Variants in PIK3C2G observed in about 807,000 individuals in gnomAD.
The protein encoded by PIK3C2G is phosphatidylinositol 3-kinase C2 domain-containing subunit gamma.
A neutral mutation model predicts 181.1 loss-of-function variants in PIK3C2G; 168 were observed. That is an observed-to-expected ratio of 0.93 (90% CI 0.82 to 1.05). The LOEUF (loss-of-function observed/expected upper bound fraction) is 1.05, where lower values mean the gene tolerates loss of function less well. Ranked by LOEUF, PIK3C2G falls within the 50% of genes least tolerant of loss-of-function variation. PIK3C2G has a pLI of 0.00. For missense variants in PIK3C2G, 1,869 were observed against 1,732.8 expected (o/e 1.08, Z -1.40); for synonymous variants, 573 against 592.2 (o/e 0.97, Z 0.47).
At chr12:18,253,393 CTTA>C (rs1175973753) in intron 1 of PIK3C2G, among the ~76,000 whole-genome samples, 1 of 151,976 alleles carries the variant, frequency 6.6e-6, no homozygotes, top group African/African-American at 2.4e-5. Context: ...AAAATTGGTG[CTTA>C]TTATAATCAA....
chr12:18,543,278 C>T (rs535403165), intron 25 of PIK3C2G, among the ~76,000 whole-genome samples: 68 of 151,694 alleles, frequency 4.5e-4, no homozygotes, highest in Non-Finnish European at 8.1e-4. Flanking sequence ...TTCTTATAGA[C>T]GCTGGGTATT....
At chr12:18,560,456 G>A (rs1945289133) in intron 26 of PIK3C2G, among the ~76,000 whole-genome samples, 1 of 151,876 alleles carries the variant, frequency 6.6e-6, no homozygotes, top group African/African-American at 2.4e-5. Context: ...GGAAACCTCA[G>A]AAAGGAAGTG....
intron 31 of PIK3C2G, among the ~76,000 whole-genome samples, chr12:18,610,206 A>G (rs1013641812): frequency 4.6e-5 from 7 of 152,090 alleles, no homozygotes; most frequent in Admixed American, 2.6e-4. Flanking sequence ...GTTGGGGTGC[A>G]GCAAACATAG....
At chr12:18,706,249 A>T in the PIK3C2G span, among the ~76,000 whole-genome samples, 38 of 152,160 alleles carry the variant, frequency 2.5e-4, no homozygotes, top group East Asian at 1.5e-3. Context: ...AAAATAAAAA[A>T]AAAAAAAGAA....
chr12:18,634,721 T>C (rs1184744731), intron 31 of PIK3C2G, among the ~76,000 whole-genome samples: 1 of 152,130 alleles, frequency 6.6e-6, no homozygotes, highest in Non-Finnish European at 1.5e-5. Flanking sequence ...ACCACTTTGT[T>C]CATGAACCCA....
intron 7 of PIK3C2G, among the ~76,000 whole-genome samples, 190 bp from the exon 8 acceptor site, chr12:18,324,845 C>T (rs1290229011): frequency 6.6e-6 from 1 of 152,118 alleles, no homozygotes; most frequent in Admixed American, 6.5e-5. Context: ...TGTTTGTAGT[C>T]TATCAAGTTA....
At chr12:18,430,600 C>T (rs569348457) in intron 18 of PIK3C2G, among the ~76,000 whole-genome samples, 45 of 152,176 alleles carry the variant, frequency 3.0e-4, no homozygotes, top group Non-Finnish European at 6.2e-4. Context: ...TGTGCACATG[C>T]AGACTTATGT....
At chr12:18,436,712 T>C (rs936040263) in intron 18 of PIK3C2G, among the ~76,000 whole-genome samples, 1 of 152,000 alleles carries the variant, frequency 6.6e-6, no homozygotes. Context: ...TTACAAAAGA[T>C]GTATTTTTCT....
At chr12:18,709,190 GT>G in the PIK3C2G span, among the ~76,000 whole-genome samples, 1 of 152,084 alleles carries the variant, frequency 6.6e-6, no homozygotes, top group African/African-American at 2.4e-5. Context: ...ATGATTTGTT[GT>G]GTATGGTATA....
chr12:18,609,599 G>T lies in PIK3C2G; in HGVS notation c.4152G>T (p.Leu1384=). 6.3e-7 allele frequency: 1 copy of T among 1,582,092 alleles called. No homozygotes were observed. The highest frequency in any genetic ancestry group is 1.2e-5 in the South Asian group (1 of 86,554). ...QLVISYEDVK[L]TILVKHMKNI... is the part of the protein sequence containing the mutation. Reference sequence around the variant, plus strand: ...TCATATCCTACGAGGATGTGAAGCTGACCATACTAGTGAAACACATGAAAA... The same window carrying T: ...TCATATCCTACGAGGATGTGAAGCTTACCATACTAGTGAAACACATGAAAA... The change falls in exon 31 of 33, where the codon CTG becomes CTT. Residue 1384 remains leucine, a synonymous_variant. Transcript: ENST00000538779.
intron 1 of PIK3C2G, among the ~76,000 whole-genome samples, chr12:18,264,338 G>A (rs1036027958): frequency 1.3e-5 from 2 of 151,858 alleles, no homozygotes; most frequent in African/African-American, 2.4e-5. Context: ...AATTATCCAC[G>A]TATTTACTAT....
At chr12:18,250,367 C>T (rs1948083927) in intron 1 of PIK3C2G, among the ~76,000 whole-genome samples, 1 of 151,986 alleles carries the variant, frequency 6.6e-6, no homozygotes, top group Non-Finnish European at 1.5e-5. Flanking sequence ...CTTTTTCATA[C>T]TCCCAAAGGG....
chr12:18,629,117 C>A (rs1310886629), intron 31 of PIK3C2G, among the ~76,000 whole-genome samples: 1 of 152,144 alleles, frequency 6.6e-6, no homozygotes, highest in African/African-American at 2.4e-5. Flanking sequence ...ATGGATCCAG[C>A]CCCCTGGCCT....
At chr12:18,529,846 A>G (rs1273955915) in intron 24 of PIK3C2G, among the ~76,000 whole-genome samples, 1 of 152,166 alleles carries the variant, frequency 6.6e-6, no homozygotes, top group Non-Finnish European at 1.5e-5. Flanking sequence ...TTGGACTTGA[A>G]TTTGTGGGAA....
intron 14 of PIK3C2G, among the ~76,000 whole-genome samples, chr12:18,388,846 T>C (rs961006853): frequency 2.6e-5 from 4 of 152,098 alleles, no homozygotes; most frequent in Non-Finnish European, 5.9e-5. Context: ...GATATCCAAA[T>C]GTGTAAGGAG....
chr12:18,557,144 T>A (rs967474495), intron 26 of PIK3C2G, among the ~76,000 whole-genome samples: 3 of 152,132 alleles, frequency 2.0e-5, no homozygotes, highest in Non-Finnish European at 2.9e-5. Flanking sequence ...CAAGCTTAGA[T>A]AAGCATCATA....
the PIK3C2G span, chr12:18,699,955 A>G: frequency 4.4e-6 from 7 of 1,606,264 alleles, no homozygotes; most frequent in Admixed American, 1.2e-4. Context: ...CCTGGTCTAA[A>G]AATAAAATGC....
the PIK3C2G span, among the ~76,000 whole-genome samples, chr12:18,663,508 T>C: frequency 6.6e-6 from 1 of 152,116 alleles, no homozygotes; most frequent in Non-Finnish European, 1.5e-5. Flanking sequence ...TATCAGAGAT[T>C]TGAACTTCTG....
At chr12:18,292,561 C>G (rs938796121) in intron 4 of PIK3C2G, among the ~76,000 whole-genome samples, 3 of 152,018 alleles carry the variant, frequency 2.0e-5, no homozygotes, top group Non-Finnish European at 4.4e-5. Context: ...TTGATCCAAT[C>G]AGAAAGACCA....
Sources: gnomAD v4.1 joint callset for allele counts (sites outside exome capture counted in the v4.1 genomes callset) on GRCh38, gnomAD v4.1.1 for gene constraint, MANE v1.5 for transcripts, NCBI Gene and HGNC (gene_info 2026-07-23, HGNC 2026-07-21) for gene names.